The following RYR3 variants were observed in gnomAD, a reference collection of about 807,000 sequenced individuals.
RYR3 encodes the protein ryanodine receptor 3.
A neutral mutation model predicts 584.3 loss-of-function variants in RYR3; 207 were observed. That is an observed-to-expected ratio of 0.35 (90% CI 0.32 to 0.40). The LOEUF (loss-of-function observed/expected upper bound fraction) is 0.40, where lower values mean the gene tolerates loss of function less well. RYR3 is among the 10% of genes least tolerant of loss of function. The pLI is 1.00. For synonymous variants in RYR3, 2,416 were observed against 2,248.5 expected (o/e 1.07, Z -2.11); for missense variants, 5,616 against 6,089.2 (o/e 0.92, Z 2.59).
chr15:33,602,579 A>G (rs1226196563), intron 17 of RYR3, among the ~76,000 whole-genome samples: 2 of 152,182 alleles, frequency 1.3e-5, no homozygotes, highest in Admixed American at 1.3e-4. Flanking sequence ...ATAACATTTC[A>G]GCATCGTTGC....
intron 9 of RYR3, among the ~76,000 whole-genome samples, chr15:33,549,525 A>G (rs1406448782): frequency 6.6e-6 from 1 of 152,236 alleles, no homozygotes; most frequent in Admixed American, 6.5e-5. Context: ...CATAACACTT[A>G]CCATAACTTT....
At chr15:33,420,582 C>T (rs1237231451) in intron 1 of RYR3, among the ~76,000 whole-genome samples, 2 of 152,068 alleles carry the variant, frequency 1.3e-5, no homozygotes, top group African/African-American at 4.8e-5. Flanking sequence ...AGTTAAGGCA[C>T]AAGAAGTCAG....
At chr15:33,492,672 G>C (rs936525008) in intron 2 of RYR3, among the ~76,000 whole-genome samples, 3 of 152,154 alleles carry the variant, frequency 2.0e-5, no homozygotes, top group Non-Finnish European at 2.9e-5. Context: ...TAATACTGCA[G>C]TCAAGGCAGG....
At chr15:33,763,892 C>CA (rs796878162) in intron 60 of RYR3, among the ~76,000 whole-genome samples, 2,035 of 44,584 alleles carry the variant, frequency 0.046, 133 homozygotes, top group African/African-American at 0.13. Context: ...GACTTCATCT[C>CA]AAAAAAAAAA....
At position 33,669,443 on chromosome 15, in the gene RYR3, TCTC is replaced by T. The variant is rs1289861606; in HGVS notation, c.5712_5714del (p.Leu1905del). On this transcript the variant is annotated inframe_deletion, in exon 37 of 104. Transcript: ENST00000634891. ...AGCTGTATGATTTCCATGAGGACCT[TCTC>T]CTTCACTGTGGTAAGCTGCCCAGAG... is the stretch of plus-strand genomic sequence containing the variant. 2.5e-6 allele frequency: 4 copies of T among 1,613,706 alleles called. No homozygotes were observed. Among genetic ancestry groups the T allele is most frequent in the Non-Finnish European group, 2.5e-6 (3 of 1,179,792 alleles).
chr15:33,688,874 G>C (rs1252358002), intron 38 of RYR3, among the ~76,000 whole-genome samples: 1 of 151,918 alleles, frequency 6.6e-6, no homozygotes, highest in Non-Finnish European at 1.5e-5. Flanking sequence ...CCCATTACTG[G>C]GTATATACCC....
chr15:33,320,021 G>A (rs554672399), intron 1 of RYR3, among the ~76,000 whole-genome samples: 3 of 152,178 alleles, frequency 2.0e-5, no homozygotes, highest in East Asian at 1.9e-4. Flanking sequence ...TGATCTGTAC[G>A]TTCAAATAAA....
chr15:33,601,329 T>G, intron 16 of RYR3, 90 bp from the exon 17 acceptor site: 4 of 1,358,986 alleles, frequency 2.9e-6, no homozygotes, highest in Admixed American at 4.0e-5. Flanking sequence ...CCCCCACCCT[T>G]TATGGACTCC....
intron 12 of RYR3, among the ~76,000 whole-genome samples, chr15:33,571,202 G>A (rs777795575): frequency 6.6e-6 from 1 of 152,190 alleles, no homozygotes; most frequent in Non-Finnish European, 1.5e-5. Context: ...ACCGTTAAGT[G>A]CGATATTGAC....
chr15:33,435,069 C>A (rs1049577835), intron 1 of RYR3, among the ~76,000 whole-genome samples: 2 of 152,118 alleles, frequency 1.3e-5, no homozygotes, highest in Non-Finnish European at 1.5e-5. Flanking sequence ...ATCCGCCCGC[C>A]TCGACCTCCC....
intron 73 of RYR3, 38 bp from the exon 74 acceptor site, chr15:33,813,429 C>T (rs1220112816): frequency 5.2e-6 from 8 of 1,551,722 alleles, no homozygotes; most frequent in Non-Finnish European, 5.3e-6. Context: ...ACCAGAAGAT[C>T]AGCCTAATGT....
intron 1 of RYR3, among the ~76,000 whole-genome samples, chr15:33,341,656 T>A (rs1450659471): frequency 2.0e-5 from 3 of 151,530 alleles, no homozygotes; most frequent in Non-Finnish European, 4.4e-5. Context: ...AGAGAGTGGG[T>A]GTTGTAGGAT....
At chr15:33,441,433 T>G (rs1301644038) in intron 1 of RYR3, among the ~76,000 whole-genome samples, 1 of 152,240 alleles carries the variant, frequency 6.6e-6, no homozygotes, top group Non-Finnish European at 1.5e-5. Context: ...GACTTAATTT[T>G]CGTGACAGCC....
chr15:33,526,045 T>G (rs2054358834), intron 3 of RYR3, among the ~76,000 whole-genome samples: 1 of 152,176 alleles, frequency 6.6e-6, no homozygotes, highest in Non-Finnish European at 1.5e-5. Context: ...GATTTCTTAT[T>G]GCCTGGGACT....
intron 1 of RYR3, among the ~76,000 whole-genome samples, chr15:33,352,396 G>A (rs189590277): frequency 8.5e-4 from 129 of 152,066 alleles, no homozygotes; most frequent in African/African-American, 3.0e-3. Flanking sequence ...CTGGTGCTAG[G>A]TGAGATCAAT....
chr15:33,328,275 G>C (rs1305636528), intron 1 of RYR3, among the ~76,000 whole-genome samples: 1 of 152,130 alleles, frequency 6.6e-6, no homozygotes, highest in Non-Finnish European at 1.5e-5. Flanking sequence ...TCCCTGTGTG[G>C]GCTGTTACGG....
Position 33,841,894 on chromosome 15 carries a change from C to A in RYR3, c.13068C>A (p.Asp4356Glu). The change falls in exon 91 of 104, where the codon GAC (aspartate) becomes GAA (glutamate). Residue 4356 changes from aspartate to glutamate, a missense_variant. Around this residue, in one of 9 missense-constraint regions of RYR3, gnomAD observed 918 missense variants for 887.4 expected, o/e 1.03. Transcript: ENST00000634891. Reference sequence around the variant, plus strand: ...AAGATGGAGAGAAGGAAGACAAAGACAAAGAAGAGGAGCAAGCTGAGTACC... The same window carrying A: ...AAGATGGAGAGAAGGAAGACAAAGAAAAAGAAGAGGAGCAAGCTGAGTACC... ...DMEDGEKEDK[D>E]KEEEQAEYLW... is the part of the protein sequence containing the mutation. The A allele has an allele frequency of 6.3e-7, 1 of 1,595,376 alleles. No homozygotes were observed. Among genetic ancestry groups the A allele is most frequent in the Non-Finnish European group, 8.5e-7 (1 of 1,171,044 alleles).
intron 1 of RYR3, among the ~76,000 whole-genome samples, chr15:33,330,964 C>T (rs1416169727): frequency 6.6e-6 from 1 of 152,172 alleles, no homozygotes; most frequent in Non-Finnish European, 1.5e-5. Context: ...AATGAATGCT[C>T]TGTAAATGCA....
intron 19 of RYR3, among the ~76,000 whole-genome samples, chr15:33,618,267 A>C (rs16973326): frequency 0.16 from 23,771 of 152,194 alleles, 1,952 homozygotes; most frequent in East Asian, 0.23. Context: ...CTCTTTTGCC[A>C]GCTCTAATTT....
Sources: gnomAD v4.1 joint callset for allele counts (sites outside exome capture counted in the v4.1 genomes callset) on GRCh38, gnomAD v4.1.1 for gene constraint, gnomAD v4.1.1 regional missense constraint, MANE v1.5 for transcripts, NCBI Gene and HGNC (gene_info 2026-07-23, HGNC 2026-07-21) for gene names.